URB1: variants seen among roughly 807,000 people sequenced by gnomAD.
The protein encoded by URB1 is URB1 ribosome biogenesis factor.
A neutral mutation model predicts 242.3 loss-of-function variants in URB1; 197 were observed. That is an observed-to-expected ratio of 0.81 (90% CI 0.72 to 0.91). The LOEUF (loss-of-function observed/expected upper bound fraction) is 0.91. Among genes scored for constraint, URB1 ranks in the 40% least tolerant of loss-of-function variants. The pLI, the probability that URB1 is intolerant of heterozygous loss-of-function variation, is 0.00. For synonymous variants in URB1, 1,153 were observed against 1,201.8 expected (o/e 0.96, Z 0.84); for missense variants, 2,721 against 2,860.5 (o/e 0.95, Z 1.11).
chr21:32,312,079 GCC>G lies in URB1; in HGVS notation c.*2837_*2838del. On this transcript the variant is annotated 3_prime_UTR_variant, in exon 39 of 39. Transcript: ENST00000382751. ...CATACGTTCCTCGTTCTTCTTAGAG[GCC>G]ATTTGCATGTAGCAGAAAGGGCACC... 1 of 1,600,370 alleles carries G rather than the reference GCC, an allele frequency of 6.2e-7. No individual in the cohort carries two copies. Among genetic ancestry groups the G allele is most frequent in the East Asian group, 2.2e-5 (1 of 44,820 alleles).
At chr21:32,382,488 C>G (rs774483799) in intron 4 of URB1, among the ~76,000 whole-genome samples, 246 of 152,250 alleles carry the variant, frequency 1.6e-3, no homozygotes, top group Non-Finnish European at 2.6e-3. Flanking sequence ...TTGGTATTAT[C>G]AACCCTTTAG....
In URB1 at chr21:32,363,167, C is replaced by T; in HGVS notation, c.1498G>A (p.Ala500Thr). 6.4e-7 allele frequency: 1 copy of T among 1,551,698 alleles called. No individual in the cohort carries two copies. Among genetic ancestry groups the T allele is most frequent in the South Asian group, 1.2e-5 (1 of 84,004 alleles). Residue 500 changes from alanine to threonine, a missense_variant, in exon 11 of 39, where the codon GCC becomes ACC. Transcript: ENST00000382751. ...AGATCAGAGCCTACCTTGCTCAGGG[C>T]TTCTCTGAAGAGCTGCACGAATTCT... ...MEEFVQLFRE[A>T]LSKILPDLNT...
At chr21:32,365,109 C>T (rs2033331137) in intron 10 of URB1, among the ~76,000 whole-genome samples, 2 of 152,182 alleles carry the variant, frequency 1.3e-5, no homozygotes, top group African/African-American at 4.8e-5. Flanking sequence ...TCCCAGACTA[C>T]TAGGAGCAAG....
chr21:32,321,371 C>T (rs9979615), intron 34 of URB1, among the ~76,000 whole-genome samples: 23,073 of 152,052 alleles, frequency 0.15, 2,072 homozygotes, highest in African/African-American at 0.25. Context: ...TGAGTTCTGA[C>T]AACCCCCAAC....
At chr21:32,342,017 C>A (rs560217290) in intron 24 of URB1, among the ~76,000 whole-genome samples, 2 of 148,674 alleles carry the variant, frequency 1.3e-5, no homozygotes, top group East Asian at 2.0e-4. Context: ...AAACAATCCA[C>A]AAGAGCATGA....
chr21:32,321,937 G>GT lies in URB1; in HGVS notation c.5347dup (p.Thr1783AsnfsTer16). ...AACGCCAAACACCCACTTCTGCTCTGTTTTTTGCTATAACCCAGGCACACA... is the reference window on the plus strand; with the variant it reads ...AACGCCAAACACCCACTTCTGCTCTGTTTTTTTGCTATAACCCAGGCACACA... On this transcript the variant is annotated frameshift_variant, in exon 34 of 39. Transcript: ENST00000382751. LOFTEE classifies it high-confidence loss of function. 6.4e-7 allele frequency: 1 copy of GT among 1,551,264 alleles called. No homozygotes were observed.
At position 32,344,719 on chromosome 21, in the gene URB1, C is replaced by T. The variant is rs1463918422; in HGVS notation, c.4108G>A (p.Gly1370Arg). 4 of 1,551,774 alleles carry T rather than the reference C, an allele frequency of 2.6e-6. No individual in the cohort carries two copies. The highest frequency in any genetic ancestry group is 1.7e-4 in the Middle Eastern group (1 of 5,994). The change falls in exon 24 of 39, where the codon GGG becomes AGG. Residue 1370 changes from glycine (G) to arginine (R), a missense_variant. Coordinates refer to ENST00000382751, the MANE Select transcript of URB1 (RefSeq NM_014825.3). ...VADSISAALE[G>R]SAEELCAWRR... ...CAGGCACACAGCTCTTCTGCTGACC[C>T]TTCCAGAGCTGCTGAAATGGAGTCG... is the stretch of plus-strand genomic sequence containing the variant.
intron 1 of URB1, among the ~76,000 whole-genome samples, chr21:32,391,644 C>T (rs149634214): frequency 3.5e-4 from 54 of 152,148 alleles, no homozygotes; most frequent in Non-Finnish European, 6.9e-4. Context: ...TTAATGAATT[C>T]GGAAATAAAT....
intron 30 of URB1, among the ~76,000 whole-genome samples, chr21:32,326,356 A>G (rs948762072): frequency 6.6e-6 from 1 of 152,256 alleles, no homozygotes; most frequent in African/African-American, 2.4e-5. Context: ...ATGGAATATA[A>G]CATCAATAAG....
chr21:32,311,467 T>C lies in URB1; in HGVS notation c.*3451A>G. 9.7e-6 allele frequency: 2 copies of C among 205,790 alleles called. No individual in the cohort carries two copies. The highest frequency in any genetic ancestry group is 1.7e-5 in the Non-Finnish European group (2 of 118,322). 12.7% of individuals were successfully genotyped at this position (205,790 alleles called of 1,614,324 possible). A position where few individuals can be genotyped will look rare whatever the true frequency, so the allele number is the denominator to read the frequency against. On this transcript the variant is annotated 3_prime_UTR_variant, in exon 39 of 39. Transcript: ENST00000382751. ...AAGAAGTGGCCTCCAGGGAAAGACC[T>C]GAGGCCTAGTTCCTGACAAAGCACT...
chr21:32,313,453 T>G lies in URB1; in HGVS notation c.*1465A>C, dbSNP rs1255829628. 6.6e-6 allele frequency: 1 copy of G among 152,232 alleles called. No homozygotes were observed. The highest frequency in any genetic ancestry group is 6.5e-5 in the Admixed American group (1 of 15,272). The allele number at this position is 152,232 out of a possible 1,614,324, so 9.4% of individuals were successfully genotyped here. A position where few individuals can be genotyped will look rare whatever the true frequency, so the allele number is the denominator to read the frequency against. ...TAAACGTGGGATTTCAAGTTCAGGA[T>G]AGTCTCAAAGAATAGCGTTGTAAGG... On this transcript the variant is annotated 3_prime_UTR_variant, in exon 39 of 39. Coordinates refer to ENST00000382751, the MANE Select transcript of URB1 (RefSeq NM_014825.3).
At chr21:32,322,735 T>C (rs1568808644) in intron 32 of URB1, among the ~76,000 whole-genome samples, 151 bp from the exon 33 acceptor site, 2 of 152,192 alleles carry the variant, frequency 1.3e-5, no homozygotes, top group Admixed American at 6.5e-5. Flanking sequence ...CTCTTGAGAA[T>C]GAGAACAGAA....
intron 35 of URB1, 126 bp downstream of exon 35, chr21:32,320,405 C>A (rs954488413): frequency 3.9e-5 from 28 of 724,896 alleles, no homozygotes; most frequent in Admixed American, 8.2e-5. Context: ...TTGGAGGACA[C>A]TGCATTTCAG....
chr21:32,375,263 G>A (rs1293445258), intron 6 of URB1, 135 bp downstream of exon 6: 1 of 501,432 alleles, frequency 2.0e-6, no homozygotes, highest in Non-Finnish European at 3.4e-6. Flanking sequence ...GCTTAGGGAA[G>A]AGTTTTCCAC....
intron 14 of URB1, among the ~76,000 whole-genome samples, chr21:32,358,604 G>C (rs2033250366): frequency 6.6e-6 from 1 of 152,180 alleles, no homozygotes; most frequent in South Asian, 2.1e-4. Flanking sequence ...AGCTTAGGCA[G>C]AGCCAGCAGA....
In URB1 at chr21:32,312,507, TC is replaced by T; in HGVS notation, c.*2410del. ...GGGGACCTGAGTTGCACCTTCAACC[TC>T]CCCACAGCCTTTCAAAGACAGAGCC... On this transcript the variant is annotated 3_prime_UTR_variant, in exon 39 of 39. Coordinates refer to ENST00000382751, the MANE Select transcript of URB1 (RefSeq NM_014825.3). The T allele has an allele frequency of 4.9e-6, 1 of 205,464 alleles. No homozygotes were observed. The allele number at this position is 205,464 out of a possible 1,614,324, so 12.7% of individuals were successfully genotyped here. A position where few individuals can be genotyped will look rare whatever the true frequency, so the allele number is the denominator to read the frequency against.
At chr21:32,329,900 T>C (rs1162053237) in intron 30 of URB1, among the ~76,000 whole-genome samples, 3 of 152,220 alleles carry the variant, frequency 2.0e-5, no homozygotes, top group Non-Finnish European at 4.4e-5. Flanking sequence ...GATTACATCA[T>C]GTGTATCGCC....
rs774256318 is a variant in URB1 at position 32,368,459 on chromosome 21, A to T, written c.1141T>A (p.Ser381Thr). Residue 381 changes from serine to threonine, a missense_variant, in exon 9 of 39, where the codon TCC becomes ACC. Ser to Thr is a moderately conservative substitution (Grantham distance 58). Transcript: ENST00000382751. ...LNKYFKEVTF[S>T]FIPRAKSTWL... ...GTAGACTTCGCTCGTGGGATAAAGG[A>T]AAACGTTACTTCCTTGAAGTATTTG... is the stretch of plus-strand genomic sequence containing the variant. The T allele has an allele frequency of 3.2e-5, 49 of 1,551,332 alleles. No individual in the cohort carries two copies. Among genetic ancestry groups the T allele is most frequent in the Non-Finnish European group, 4.1e-5 (47 of 1,146,900 alleles).
Position 32,311,405 on chromosome 21 carries a change from T to TCCCCCCCC in URB1, c.*3512_*3513insGGGGGGGG. The TCCCCCCCC allele has an allele frequency of 3.4e-6, 1 of 291,706 alleles. No homozygotes were observed. Among genetic ancestry groups the TCCCCCCCC allele is most frequent in the Non-Finnish European group, 6.5e-6 (1 of 153,198 alleles). The allele number at this position is 291,706 out of a possible 1,614,324, so 18.1% of individuals were successfully genotyped here. A position where few individuals can be genotyped will look rare whatever the true frequency, so the allele number is the denominator to read the frequency against. On this transcript the variant is annotated 3_prime_UTR_variant, in exon 39 of 39. Transcript: ENST00000382751. ...TGGATGGGAGGTCAACCTGCTCCCCTCCACCCCCCACCCCCCCCATCCTAA... is the reference window on the plus strand; with the variant it reads ...TGGATGGGAGGTCAACCTGCTCCCCTCCCCCCCCCCACCCCCCACCCCCCCCATCCTAA...
Sources: gnomAD v4.1 joint callset for allele counts (sites outside exome capture counted in the v4.1 genomes callset) on GRCh38, gnomAD v4.1.1 for gene constraint, MANE v1.5 for transcripts, NCBI Gene and HGNC (gene_info 2026-07-23, HGNC 2026-07-21) for gene names.